Variants in STRA8 observed in about 807,000 individuals in gnomAD.
STRA8 encodes stimulated by retinoic acid gene 8 protein homolog.
In STRA8, 18 loss-of-function variants were observed where a neutral mutation model predicts 37.1. That is an observed-to-expected ratio of 0.48 (90% CI 0.34 to 0.72). STRA8 has a LOEUF of 0.72. Ranked by LOEUF, STRA8 falls within the 30% of genes least tolerant of loss-of-function variation. The probability of loss-of-function intolerance (pLI) is 0.01; values close to 1 mark genes in which losing one functional copy is unlikely to be tolerated. For synonymous variants in STRA8, 168 were observed against 162.9 expected, an observed-to-expected ratio of 1.03 and a Z score of -0.24; for missense variants, 357 against 410.4, an observed-to-expected ratio of 0.87 and a Z score of 1.13.
At chr7:135,255,074 T>A in intron 7 of STRA8, 40 bp from the exon 8 acceptor site, 1 of 1,494,932 alleles carries the variant, frequency 6.7e-7, no homozygotes, top group Non-Finnish European at 9.3e-7. Flanking sequence ...AAGATCAGGA[T>A]CCTGAATATT....
intron 2 of STRA8, among the ~76,000 whole-genome samples, chr7:135,241,210 C>T (rs1270495145): frequency 1.3e-5 from 2 of 152,150 alleles, no homozygotes; most frequent in Non-Finnish European, 2.9e-5. Context: ...ATCAGTCAGC[C>T]CCTGGTTCCA....
intron 6 of STRA8, among the ~76,000 whole-genome samples, chr7:135,250,480 C>T (rs1268472351): frequency 6.6e-6 from 1 of 152,030 alleles, no homozygotes; most frequent in African/African-American, 2.4e-5. Context: ...AGAAGGACAA[C>T]AGAAAATGTC....
In STRA8 at chr7:135,245,325, C is replaced by A. The variant is rs1403978636; in HGVS notation, c.391C>A (p.Pro131Thr). The A allele has an allele frequency of 1.3e-6, 1 of 780,746 alleles. No homozygotes were observed. The highest frequency in any genetic ancestry group is 1.7e-5 in the African/African-American group (1 of 59,046). The allele number at this position is 780,746 out of a possible 1,614,324, so 48.4% of individuals were successfully genotyped here. The stretch of plus-strand genomic sequence containing the variant: ...CAGTTTTCCTCAGAATGGTTCCTCC[C>A]CTTGGTGCCCAACTGAGGCAGTCAG... The part of the protein sequence containing the change: ...SNSFPQNGSS[P>T]WCPTEAVRKD... Residue 131 changes from proline (P) to threonine (T), a missense_variant, in exon 5 of 9, where the codon CCT becomes ACT. By Grantham distance (38) the Pro-to-Thr change is conservative. Coordinates refer to ENST00000662584, the MANE Select transcript of STRA8 (RefSeq NM_001394401.1).
At chr7:135,252,801 A>T (rs1832654331) in intron 7 of STRA8, among the ~76,000 whole-genome samples, 1 of 152,172 alleles carries the variant, frequency 6.6e-6, no homozygotes, top group South Asian at 2.1e-4. Context: ...TATTTCTTAC[A>T]GTTCTGGAGG....
At chr7:135,240,424 C>T (rs773494443) in intron 1 of STRA8, 95 bp from the exon 2 acceptor site, 2 of 1,248,578 alleles carry the variant, frequency 1.6e-6, no homozygotes, top group South Asian at 2.8e-5. Flanking sequence ...GGGAAGGGTA[C>T]CTCCTTTCTG....
At chr7:135,232,111 G>A, upstream of STRA8, 2 of 1,387,760 alleles carry the variant, frequency 1.4e-6, no homozygotes, top group Non-Finnish European at 2.1e-6. Context: ...TGTGTGTGTG[G>A]CAGTGGTTGG....
chr7:135,251,963 T>G (rs1832641051), intron 7 of STRA8, 94 bp downstream of exon 7: 2 of 1,187,802 alleles, frequency 1.7e-6, no homozygotes, highest in East Asian at 4.7e-5. Flanking sequence ...TGCATGTGCA[T>G]GAATGTGGTA....
chr7:135,235,005 T>A (rs1832348816), intron 1 of STRA8, among the ~76,000 whole-genome samples: 1 of 152,078 alleles, frequency 6.6e-6, no homozygotes. Flanking sequence ...GCCTCCTGGG[T>A]GGCTGGGACT....
At chr7:135,249,780 A>G (rs916693350) in intron 6 of STRA8, among the ~76,000 whole-genome samples, 5 of 152,258 alleles carry the variant, frequency 3.3e-5, no homozygotes, top group Non-Finnish European at 5.9e-5. Context: ...ACACTTCCCC[A>G]GGAAGAACAC....
intron 1 of STRA8, among the ~76,000 whole-genome samples, chr7:135,237,406 G>A (rs1461100523): frequency 6.6e-6 from 1 of 152,144 alleles, no homozygotes; most frequent in Non-Finnish European, 1.5e-5. Flanking sequence ...TTTTACAATA[G>A]TTAGCTCCCC....
intron 1 of STRA8, among the ~76,000 whole-genome samples, chr7:135,235,574 TGA>T (rs1367316738): frequency 6.6e-6 from 1 of 152,036 alleles, no homozygotes; most frequent in Admixed American, 6.5e-5. Context: ...CCTGAGTAAC[TGA>T]GATTACAGTT....
chr7:135,233,461 C>T (rs981080355), upstream of STRA8, among the ~76,000 whole-genome samples: 5 of 152,144 alleles, frequency 3.3e-5, no homozygotes, highest in Non-Finnish European at 7.4e-5. Context: ...GGTGGCATTG[C>T]CCCATTTGAG....
chr7:135,253,095 C>T (rs549639500), intron 7 of STRA8, among the ~76,000 whole-genome samples: 37 of 152,260 alleles, frequency 2.4e-4, no homozygotes, highest in Admixed American at 1.0e-3. Flanking sequence ...CCACTATGCT[C>T]AGCTAATTTT....
At chr7:135,257,562 T>C (rs1832719054) in intron 8 of STRA8, among the ~76,000 whole-genome samples, 2 of 152,056 alleles carry the variant, frequency 1.3e-5, no homozygotes, top group South Asian at 4.1e-4. Flanking sequence ...GTAGCTGGGA[T>C]TACAGGCGCA....
At chr7:135,232,392 C>A (rs1170875543), upstream of STRA8, among the ~76,000 whole-genome samples, 2 of 151,776 alleles carry the variant, frequency 1.3e-5, no homozygotes, top group Non-Finnish European at 2.9e-5. Flanking sequence ...TCAAGGGCTG[C>A]GTGACAGCCA....
At chr7:135,232,858 G>A (rs904899902), upstream of STRA8, among the ~76,000 whole-genome samples, 1 of 152,142 alleles carries the variant, frequency 6.6e-6, no homozygotes, top group African/African-American at 2.4e-5. Context: ...CGCCTGCTAA[G>A]CCTGTGACCC....
intron 7 of STRA8, 114 bp downstream of exon 7, chr7:135,251,983 CAGAG>C (rs1426893494): frequency 3.4e-5 from 31 of 905,858 alleles, no homozygotes; most frequent in Admixed American, 7.3e-5. Context: ...AAGTCAGAGA[CAGAG>C]AGAGGAGACA....
chr7:135,246,550 GC>G lies in STRA8; in HGVS notation c.729del (p.Ser244AlafsTer30). 1 of 1,568,490 alleles carries G rather than the reference GC, an allele frequency of 6.4e-7. No individual in the cohort carries two copies. The highest frequency in any genetic ancestry group is 8.6e-7 in the Non-Finnish European group (1 of 1,157,244). On this transcript the variant is annotated frameshift_variant, in exon 6 of 9. Coordinates refer to ENST00000662584, the MANE Select transcript of STRA8 (RefSeq NM_001394401.1). LOFTEE classifies it high-confidence loss of function. The surrounding 1 kb of genome is among the most constrained non-coding windows in gnomAD (Gnocchi z 5.4). ...LWQNLSEERKASLRQAWAQKH... is the reference protein window; with the variant it reads ...LWQNLSEERKXSLRQAWAQKH... Reference sequence around the variant, plus strand: ...GCAGAACCTCTCGGAGGAGAGGAAGGCCAGCCTCCGGCAGGCCTGGGCGCAG... The same window carrying G: ...GCAGAACCTCTCGGAGGAGAGGAAGGCAGCCTCCGGCAGGCCTGGGCGCAG...
chr7:135,255,631 G>T (rs1342619187), intron 8 of STRA8, among the ~76,000 whole-genome samples: 1 of 152,228 alleles, frequency 6.6e-6, no homozygotes, highest in Non-Finnish European at 1.5e-5. Context: ...AACTGCTCAT[G>T]CAAGGGGTCT....
Sources: allele counts gnomAD v4.1 joint callset (sites outside exome capture counted in the v4.1 genomes callset), GRCh38; gene constraint gnomAD v4.1.1; non-coding constraint Gnocchi (gnomAD v3.1); transcripts MANE v1.5; gene names NCBI Gene and HGNC (gene_info 2026-07-23, HGNC 2026-07-21).